Variants in LINC00632 observed in about 807,000 individuals in gnomAD.
LINC00632 encodes the protein ALDOA related specific transcript.
At chrX:140,767,505 G>A (rs1473460500) in intron 3 of LINC00632, among the ~76,000 whole-genome samples, 1 of 111,934 alleles carries the variant, frequency 8.9e-6, no homozygotes, top group East Asian at 2.8e-4. Context: ...TTTTAAAGAA[G>A]TGGTTCTATG....
intron 3 of LINC00632, among the ~76,000 whole-genome samples, chrX:140,758,842 T>C (rs1931537701): frequency 8.9e-6 from 1 of 111,938 alleles, no homozygotes; most frequent in Non-Finnish European, 1.9e-5. Flanking sequence ...TGTATTGGTG[T>C]GAATGATAAG....
chrX:140,729,233 AC>A (rs1931016687), intron 2 of LINC00632, among the ~76,000 whole-genome samples: 1 of 110,408 alleles, frequency 9.1e-6, no homozygotes, highest in African/African-American at 3.3e-5. Context: ...TCTCTTTACA[AC>A]ACCAAGACAC....
At chrX:140,729,824 C>T (rs918741235) in intron 2 of LINC00632, among the ~76,000 whole-genome samples, 9 of 108,907 alleles carry the variant, frequency 8.3e-5, no homozygotes, top group African/African-American at 3.0e-4. Flanking sequence ...AAATATACGA[C>T]AATCCACAGC....
intron 3 of LINC00632, among the ~76,000 whole-genome samples, chrX:140,757,695 T>C (rs751835073): frequency 1.6e-4 from 18 of 111,303 alleles, no homozygotes; most frequent in Non-Finnish European, 2.4e-4. Context: ...GCCTCCCAAG[T>C]AGCTGGGATT....
chrX:140,752,862 G>T (rs1931430264), intron 3 of LINC00632, among the ~76,000 whole-genome samples: 1 of 111,073 alleles, frequency 9.0e-6, no homozygotes, highest in Admixed American at 9.7e-5. Flanking sequence ...CGGCCCTTTA[G>T]CCATCTCATG....
chrX:140,754,339 A>C (rs2148394273), intron 3 of LINC00632, among the ~76,000 whole-genome samples: 1 of 111,829 alleles, frequency 8.9e-6, no homozygotes, highest in African/African-American at 3.2e-5. Context: ...ATCATAAAAA[A>C]AAAGACTTTG....
At chrX:140,736,580 G>A (rs1169426020) in intron 3 of LINC00632, among the ~76,000 whole-genome samples, 2 of 107,000 alleles carry the variant, frequency 1.9e-5, no homozygotes, top group Admixed American at 1.0e-4. Context: ...GGGATTACAG[G>A]TGCCCTCCAT....
intron 3 of LINC00632, among the ~76,000 whole-genome samples, chrX:140,766,534 A>C (rs1931695054): frequency 8.9e-6 from 1 of 111,937 alleles, no homozygotes; most frequent in African/African-American, 3.2e-5. Context: ...CATAGGGATG[A>C]TACTTAAATT....
At chrX:140,756,660 T>C (rs1231948621) in intron 3 of LINC00632, among the ~76,000 whole-genome samples, 1 of 112,053 alleles carries the variant, frequency 8.9e-6, no homozygotes, top group African/African-American at 3.2e-5. Flanking sequence ...CCCACATGCA[T>C]AGGCAAACAT....
At chrX:140,726,206 C>A (rs1459916971) in intron 2 of LINC00632, among the ~76,000 whole-genome samples, 1 of 111,317 alleles carries the variant, frequency 9.0e-6, no homozygotes, top group Non-Finnish European at 1.9e-5. Flanking sequence ...TACCTTATAT[C>A]ATACACATTT....
chrX:140,772,510 G>A (rs774272573), exon 4 of LINC00632: 55 of 290,335 alleles, frequency 1.9e-4, no homozygotes, highest in Non-Finnish European at 2.6e-4. Flanking sequence ...AGAACAAGGA[G>A]AGGGATGATA....
At chrX:140,771,391 AT>A (rs1315775561) in intron 3 of LINC00632, among the ~76,000 whole-genome samples, 1 of 108,380 alleles carries the variant, frequency 9.2e-6, no homozygotes, top group Non-Finnish European at 1.9e-5. Flanking sequence ...TAAGAAAAAA[AT>A]ATAACGTGGA....
At chrX:140,742,033 T>C (rs1342768273) in intron 3 of LINC00632, among the ~76,000 whole-genome samples, 2 of 112,135 alleles carry the variant, frequency 1.8e-5, no homozygotes, top group Non-Finnish European at 3.8e-5. Flanking sequence ...CTCCTCCCTG[T>C]CTCTCAGCTC....
chrX:140,763,837 G>A (rs780867759), intron 3 of LINC00632, among the ~76,000 whole-genome samples: 8 of 112,050 alleles, frequency 7.1e-5, no homozygotes, highest in Non-Finnish European at 1.5e-4. Context: ...TGCTTTGTAA[G>A]AATCTCAGAG....
At chrX:140,765,745 C>T (rs866249050) in intron 3 of LINC00632, among the ~76,000 whole-genome samples, 2 of 85,512 alleles carry the variant, frequency 2.3e-5, no homozygotes, top group Admixed American at 2.6e-4. Context: ...AATTCTTACC[C>T]CTAGAGCCAT....
chrX:140,717,131 C>T (rs1400769522), intron 2 of LINC00632, among the ~76,000 whole-genome samples: 1 of 110,007 alleles, frequency 9.1e-6, no homozygotes, highest in African/African-American at 3.3e-5. Flanking sequence ...AATACAGGCG[C>T]GTCCATGCCT....
intron 2 of LINC00632, among the ~76,000 whole-genome samples, chrX:140,723,374 CAT>C (rs1930772786): frequency 5.9e-5 from 1 of 17,028 alleles, no homozygotes; most frequent in African/African-American, 2.2e-4. Context: ...ACACACATTC[CAT>C]ACACACACAT....
intron 3 of LINC00632, chrX:140,764,522 C>G (rs1274865324): frequency 8.9e-6 from 1 of 112,527 alleles, no homozygotes; most frequent in East Asian, 2.8e-4. Context: ...CAGGAGCCGA[C>G]GAATGCTGGA....
intron 3 of LINC00632, among the ~76,000 whole-genome samples, chrX:140,759,429 T>C (rs1466089676): frequency 1.8e-5 from 2 of 108,826 alleles, no homozygotes; most frequent in African/African-American, 6.7e-5. Context: ...CAATCATAGC[T>C]CACTGCAGCT....
Sources: allele counts gnomAD v4.1 joint callset (sites outside exome capture counted in the v4.1 genomes callset), GRCh38; gene constraint gnomAD v4.1.1; transcripts MANE v1.5; gene names NCBI Gene and HGNC (gene_info 2026-07-23, HGNC 2026-07-21).